CHRM3: variants seen among roughly 807,000 people sequenced by gnomAD.
The protein encoded by CHRM3 is muscarinic acetylcholine receptor M3.
A neutral mutation model predicts 41.8 loss-of-function variants in CHRM3; 11 were observed. The observed-to-expected ratio is 0.26, with a 90% CI of 0.17 to 0.44. The LOEUF (loss-of-function observed/expected upper bound fraction) is 0.44, where lower values mean the gene tolerates loss of function less well. Ranked by LOEUF, CHRM3 falls within the 20% of genes least tolerant of loss-of-function variation. The pLI is 1.00. For missense variants in CHRM3, 571 were observed against 745.4 expected, an observed-to-expected ratio of 0.77 and a Z score of 2.72; for synonymous variants, 297 against 301.4, an observed-to-expected ratio of 0.99 and a Z score of 0.15.
chr1:239,832,581 C>T (rs1217195666), intron 6 of CHRM3, among the ~76,000 whole-genome samples: 2 of 151,752 alleles, frequency 1.3e-5, no homozygotes, highest in South Asian at 2.1e-4. Context: ...AGGGCAAGTC[C>T]GCAGTGCAAA....
chr1:239,491,270 G>A (rs1185620734), intron 1 of CHRM3, among the ~76,000 whole-genome samples: 1 of 152,140 alleles, frequency 6.6e-6, no homozygotes, highest in African/African-American at 2.4e-5. Context: ...CTATAGTGCT[G>A]TAGAACACTA....
chr1:239,901,641 C>A (rs1044571840), intron 6 of CHRM3, among the ~76,000 whole-genome samples: 2 of 152,052 alleles, frequency 1.3e-5, no homozygotes, highest in African/African-American at 4.8e-5. Context: ...GCCTTTCTTA[C>A]TTAACAAAGT....
intron 1 of CHRM3, among the ~76,000 whole-genome samples, chr1:239,468,299 T>G (rs1665878103): frequency 2.0e-5 from 3 of 152,202 alleles, no homozygotes; most frequent in African/African-American, 4.8e-5. Context: ...CAGAAGCTTC[T>G]GACTTTTGAA....
In CHRM3 at chr1:239,716,249, G is replaced by A. The variant is rs529112216; in HGVS notation, c.-147+37961G>A. On this transcript the variant is annotated intron_variant, in intron 5 of 6. Coordinates refer to ENST00000676153, the MANE Select transcript of CHRM3 (RefSeq NM_001375978.1). ...GATTTGAGATATGAATGAGGTTGTA[G>A]AACTGATGGAGTGGAAATACAAAGT... is the stretch of plus-strand genomic sequence containing the variant. Among the ~76,000 whole-genome samples, 11 of 152,126 alleles carry A rather than the reference G, an allele frequency of 7.2e-5. No individual in the cohort carries two copies. In the South Asian group the frequency reaches 2.3e-3, roughly 32 times the overall value.
intron 6 of CHRM3, among the ~76,000 whole-genome samples, chr1:239,887,890 G>A (rs1678205577): frequency 6.6e-6 from 1 of 152,112 alleles, no homozygotes; most frequent in Non-Finnish European, 1.5e-5. Context: ...TTTGTTAAAG[G>A]AAACACAGCA....
chr1:239,498,879 T>C (rs1463628441), intron 2 of CHRM3, among the ~76,000 whole-genome samples: 3 of 152,212 alleles, frequency 2.0e-5, no homozygotes, highest in Non-Finnish European at 2.9e-5. Flanking sequence ...TTGTTTGATC[T>C]TCACCTCCTT....
At chr1:239,699,469 T>C (rs989003745) in intron 5 of CHRM3, among the ~76,000 whole-genome samples, 2 of 152,114 alleles carry the variant, frequency 1.3e-5, no homozygotes, top group Admixed American at 1.3e-4. Context: ...GGCAGCTGTA[T>C]TTGCCAAGTG....
chr1:239,535,761 A>G (rs1658136576), intron 2 of CHRM3, among the ~76,000 whole-genome samples: 1 of 152,044 alleles, frequency 6.6e-6, no homozygotes, highest in Non-Finnish European at 1.5e-5. Context: ...TTGTTTCCCT[A>G]GGATCAAGGA....
At chr1:239,690,415 A>G (rs1271031355) in intron 5 of CHRM3, among the ~76,000 whole-genome samples, 1 of 151,934 alleles carries the variant, frequency 6.6e-6, no homozygotes, top group Non-Finnish European at 1.5e-5. Context: ...GTTTTTTAGT[A>G]GAGACGGGTT....
At chr1:239,846,691 T>G (rs562829745) in intron 6 of CHRM3, among the ~76,000 whole-genome samples, 1 of 152,258 alleles carries the variant, frequency 6.6e-6, no homozygotes, top group South Asian at 2.1e-4. Context: ...TACCCACAAT[T>G]TTTTTAAACC....
At chr1:239,388,548 C>A (rs1311633198) in intron 1 of CHRM3, among the ~76,000 whole-genome samples, 2 of 152,126 alleles carry the variant, frequency 1.3e-5, no homozygotes, top group African/African-American at 4.8e-5. Flanking sequence ...AAACAATGCC[C>A]ATGTATTTAC....
At chr1:239,517,700 A>G (rs1210833133) in intron 2 of CHRM3, among the ~76,000 whole-genome samples, 1 of 152,210 alleles carries the variant, frequency 6.6e-6, no homozygotes, top group Non-Finnish European at 1.5e-5. Context: ...ACACCCAGGC[A>G]CTACTTTTAT....
chr1:239,472,837 CT>C (rs1414756358), intron 1 of CHRM3, among the ~76,000 whole-genome samples: 1 of 152,036 alleles, frequency 6.6e-6, no homozygotes, highest in Non-Finnish European at 1.5e-5. Context: ...ACATGTTTAT[CT>C]TTGTAACAGA....
intron 3 of CHRM3, among the ~76,000 whole-genome samples, chr1:239,560,809 C>A (rs947373120): frequency 2.0e-5 from 3 of 152,082 alleles, no homozygotes; most frequent in Non-Finnish European, 4.4e-5. Context: ...AGGATGACAT[C>A]TTTACTTGAA....
chr1:239,556,925 C>T (rs1660420483), intron 3 of CHRM3, among the ~76,000 whole-genome samples: 2 of 151,974 alleles, frequency 1.3e-5, no homozygotes, highest in Admixed American at 6.6e-5. Context: ...GATGCTTCTA[C>T]GTATTTATTT....
At chr1:239,867,415 C>T (rs899513605) in intron 6 of CHRM3, among the ~76,000 whole-genome samples, 3 of 152,100 alleles carry the variant, frequency 2.0e-5, no homozygotes, top group African/African-American at 4.8e-5. Context: ...GGGCTGGGCC[C>T]GGTGGCTCAC....
At chr1:239,543,290 T>C (rs1658959793) in intron 2 of CHRM3, among the ~76,000 whole-genome samples, 1 of 152,162 alleles carries the variant, frequency 6.6e-6, no homozygotes, top group Non-Finnish European at 1.5e-5. Flanking sequence ...AACTCATTGC[T>C]TGTGCCTCCT....
intron 5 of CHRM3, among the ~76,000 whole-genome samples, chr1:239,680,102 A>G (rs1658418979): frequency 6.6e-6 from 1 of 152,108 alleles, no homozygotes; most frequent in Non-Finnish European, 1.5e-5. Flanking sequence ...CAAGTCACAT[A>G]CATCACTTCC....
chr1:239,546,066 T>C (rs1167026409), intron 3 of CHRM3: 1 of 152,204 alleles, frequency 6.6e-6, no homozygotes. Context: ...TTCTGGTCAA[T>C]ATCATATAGA....
Sources: allele counts gnomAD v4.1 joint callset (sites outside exome capture counted in the v4.1 genomes callset), GRCh38; gene constraint gnomAD v4.1.1; transcripts MANE v1.5; gene names NCBI Gene and HGNC (gene_info 2026-07-23, HGNC 2026-07-21).